The following MTMR7 variants were observed in gnomAD, a reference collection of about 807,000 sequenced individuals.
MTMR7 encodes the protein myotubularin related protein 7, also known as phosphatidylinositol-3-phosphate phosphatase MTMR7.
Under a neutral mutation model 81.2 loss-of-function variants are expected in MTMR7, and 76 were observed. That is an observed-to-expected ratio of 0.94 (90% CI 0.78 to 1.13). MTMR7 has a LOEUF of 1.13. MTMR7 is among the 50% of genes most tolerant of loss of function. MTMR7 has a pLI of 0.00. For synonymous variants in MTMR7, 372 were observed against 289.8 expected (o/e 1.28, Z -2.88); for missense variants, 1,044 against 820.0 (o/e 1.27, Z -3.34).
chr8:17,362,688 T>G (rs781364941), intron 3 of MTMR7, among the ~76,000 whole-genome samples: 1 of 152,202 alleles, frequency 6.6e-6, no homozygotes, highest in Non-Finnish European at 1.5e-5. Flanking sequence ...TCTTCCTGTT[T>G]TTCTCCAATA....
rs185669268 is a variant in MTMR7 at position 17,391,346 on chromosome 8, G to A, written c.25-18106C>T. Among the ~76,000 whole-genome samples the A allele has an allele frequency of 2.0e-5, 3 of 152,244 alleles. No homozygotes were observed. The East Asian group carries it at 5.8e-4, about 29-fold the overall frequency. On this transcript the variant is annotated intron_variant, in intron 1 of 13. Coordinates refer to ENST00000180173, the MANE Select transcript of MTMR7 (RefSeq NM_004686.5). The stretch of plus-strand genomic sequence containing the variant: ...AAATGGGAGATTTTCCAAAATCTTA[G>A]CTTACAGTGATGACATATATATTGT...
rs543131413 is a variant in MTMR7, at chr8:17,333,997, T to G, written c.733-2715A>C. ...ATAAACAAAAATTAAAATATTATTT[T>G]AACCTATAATTAAGACTCCATGTAC... On this transcript the variant is annotated intron_variant, in intron 6 of 13. Coordinates refer to ENST00000180173, the MANE Select transcript of MTMR7 (RefSeq NM_004686.5). Among the ~76,000 whole-genome samples, 121 of 152,346 alleles carry G rather than the reference T, an allele frequency of 7.9e-4. 2 individuals carry two copies. Among genetic ancestry groups the G allele is most frequent in the Admixed American group, 3.8e-3 (58 of 15,304 alleles).
chr8:17,389,592 A>T (rs1232612411), intron 1 of MTMR7, among the ~76,000 whole-genome samples: 1 of 152,220 alleles, frequency 6.6e-6, no homozygotes, highest in Non-Finnish European at 1.5e-5. Context: ...AATGAATGAA[A>T]ATTAACAGTA....
At position 17,302,232 on chromosome 8, in the gene MTMR7, T is replaced by C; in HGVS notation, c.1542A>G (p.Arg514=). Reference sequence around the variant, plus strand: ...CCATTAGGTAATCTGTAACTGACTGTCGGGGCTGCATCCCCTTTTCAAAGC... The same window carrying C: ...CCATTAGGTAATCTGTAACTGACTGCCGGGGCTGCATCCCCTTTTCAAAGC... ...YNRFEKGMQP[R]QSVTDYLMAV... is the part of the protein sequence containing the mutation. The change falls in exon 13 of 14, where the codon CGA becomes CGG. Residue 514 remains arginine, a synonymous_variant. Transcript: ENST00000180173. 1.2e-6 allele frequency: 2 copies of C among 1,614,120 alleles called. No homozygotes were observed. The highest frequency in any genetic ancestry group is 1.7e-4 in the Middle Eastern group (1 of 6,058).
intron 1 of MTMR7, among the ~76,000 whole-genome samples, chr8:17,378,503 T>C (rs1342744151): frequency 3.9e-5 from 6 of 152,164 alleles, no homozygotes; most frequent in Admixed American, 3.9e-4. Context: ...TATACATATA[T>C]GCTGTACATA....
At chr8:17,319,977 A>T (rs1248019042) in intron 7 of MTMR7, among the ~76,000 whole-genome samples, 1 of 152,236 alleles carries the variant, frequency 6.6e-6, no homozygotes, top group Admixed American at 6.5e-5. Flanking sequence ...TGAGATAGAT[A>T]TGCTGTAAGT....
intron 13 of MTMR7, 133 bp from the exon 14 acceptor site, chr8:17,300,357 T>A: frequency 9.8e-7 from 1 of 1,017,866 alleles, no homozygotes; most frequent in Non-Finnish European, 1.4e-6. Context: ...GGGATGTGAG[T>A]TCAAACCTGG....
At chr8:17,358,236 C>T (rs1819954215) in intron 4 of MTMR7, among the ~76,000 whole-genome samples, 2 of 152,038 alleles carry the variant, frequency 1.3e-5, no homozygotes, top group African/African-American at 4.8e-5. Flanking sequence ...CTCCACCAAG[C>T]AAACTCTGAC....
rs563949527 is a variant in MTMR7, at chr8:17,303,582, C to T, written c.1493+797G>A. ...GTAGAACTTGTAGGATGCCACCCTG[C>T]TCTCCCCATTCTCCCCATACATACA... On this transcript the variant is annotated intron_variant, in intron 12 of 13. Coordinates refer to ENST00000180173, the MANE Select transcript of MTMR7 (RefSeq NM_004686.5). Among the ~76,000 whole-genome samples, 6 of 150,748 alleles carry T rather than the reference C, an allele frequency of 4.0e-5. No individual in the cohort carries two copies. In the South Asian group the frequency reaches 1.3e-3, roughly 32 times the overall value.
chr8:17,349,883 C>T (rs1432251230), intron 4 of MTMR7, among the ~76,000 whole-genome samples: 1 of 152,130 alleles, frequency 6.6e-6, no homozygotes, highest in Admixed American at 6.5e-5. Context: ...TCTGACTGAG[C>T]AACTTCATGA....
chr8:17,366,163 C>T lies in MTMR7; in HGVS notation c.310+4874G>A, dbSNP rs558425474. ...CCAGGTGAATAAATGGGGCTGCATC[C>T]GTATACAACCTTTGCTCCTTCTCTC... On this transcript the variant is annotated intron_variant, in intron 3 of 13. Coordinates refer to ENST00000180173, the MANE Select transcript of MTMR7 (RefSeq NM_004686.5). Among the ~76,000 whole-genome samples the T allele has an allele frequency of 5.3e-5, 8 of 152,270 alleles. No individual in the cohort carries two copies. The East Asian group carries it at 1.5e-3, about 29-fold the overall frequency.
chr8:17,335,727 T>A (rs997918287), intron 6 of MTMR7, among the ~76,000 whole-genome samples: 1 of 152,244 alleles, frequency 6.6e-6, no homozygotes, highest in African/African-American at 2.4e-5. Flanking sequence ...CTTGCAACTA[T>A]TCTCTACAAC....
chr8:17,303,415 G>T (rs768064353), intron 12 of MTMR7, among the ~76,000 whole-genome samples: 1 of 152,084 alleles, frequency 6.6e-6, no homozygotes, highest in Non-Finnish European at 1.5e-5. Flanking sequence ...AGTCTGTGTC[G>T]GGAGTGAGTA....
intron 2 of MTMR7, 135 bp from the exon 3 acceptor site, chr8:17,371,334 GATGACA>G: frequency 1.1e-6 from 1 of 937,598 alleles, no homozygotes; most frequent in South Asian, 1.9e-5. Flanking sequence ...CTTGCGTTCA[GATGACA>G]AGCACTGAGA....
At chr8:17,410,680 T>C (rs896703583) in intron 1 of MTMR7, among the ~76,000 whole-genome samples, 1 of 152,158 alleles carries the variant, frequency 6.6e-6, no homozygotes, top group African/African-American at 2.4e-5. Context: ...CATGCACCCC[T>C]AGAAAGAAAT....
chr8:17,311,657 A>G (rs1486701001), intron 8 of MTMR7, 21 bp from the exon 9 acceptor site: 2 of 1,613,838 alleles, frequency 1.2e-6, no homozygotes, highest in Admixed American at 1.7e-5. Context: ...CACGATCCGC[A>G]AAGAGTCACA....
At chr8:17,348,807 C>T (rs1396992403) in intron 5 of MTMR7, 146 bp downstream of exon 5, 3 of 901,396 alleles carry the variant, frequency 3.3e-6, no homozygotes, top group Non-Finnish European at 3.5e-6. Context: ...ATAGTTGTAT[C>T]ATGTCATACC....
chr8:17,315,869 G>A (rs914134387), intron 7 of MTMR7, among the ~76,000 whole-genome samples: 4 of 152,036 alleles, frequency 2.6e-5, no homozygotes, highest in African/African-American at 7.2e-5. Flanking sequence ...AAAAATGAGC[G>A]AGACTGAGTG....
intron 6 of MTMR7, among the ~76,000 whole-genome samples, chr8:17,336,751 C>A (rs913402821): frequency 6.6e-6 from 1 of 152,196 alleles, no homozygotes; most frequent in Non-Finnish European, 1.5e-5. Context: ...CTCAGCACCC[C>A]CTCCGCTGGC....
Sources: gnomAD v4.1 joint callset for allele counts (sites outside exome capture counted in the v4.1 genomes callset) on GRCh38, gnomAD v4.1.1 for gene constraint, MANE v1.5 for transcripts, NCBI Gene and HGNC (gene_info 2026-07-23, HGNC 2026-07-21) for gene names.